POLR1D: variants seen among roughly 807,000 people sequenced by gnomAD.
POLR1D encodes the protein DNA-directed RNA polymerases I and III subunit RPAC2.
A neutral mutation model predicts 10.8 loss-of-function variants in POLR1D; 8 were observed. That is an observed-to-expected ratio of 0.74 (90% CI 0.43 to 1.33). The LOEUF is 1.33. POLR1D is among the 40% of genes most tolerant of loss of function. The pLI, the probability that POLR1D is intolerant of heterozygous loss-of-function variation, is 0.01. For missense variants in POLR1D, 152 were observed against 161.7 expected, an observed-to-expected ratio of 0.94 and a Z score of 0.32; for synonymous variants, 54 against 57.2, an observed-to-expected ratio of 0.94 and a Z score of 0.25.
intron 1 of POLR1D, among the ~76,000 whole-genome samples, chr13:27,634,149 G>A (rs1192945934): frequency 6.6e-6 from 1 of 152,128 alleles, no homozygotes; most frequent in Admixed American, 6.5e-5. Context: ...GGATTCCAGG[G>A]GCTTATGATT....
downstream of POLR1D, among the ~76,000 whole-genome samples, chr13:27,625,602 G>T (rs1394809062): frequency 6.6e-6 from 1 of 151,540 alleles, no homozygotes; most frequent in African/African-American, 2.4e-5. Flanking sequence ...TCGTGGAAGA[G>T]ATCTAAGCTG....
intron 2 of POLR1D, chr13:27,665,587 TG>T: frequency 1.8e-6 from 2 of 1,089,906 alleles, no homozygotes; most frequent in Non-Finnish European, 2.8e-6. Context: ...CTCGATTCTG[TG>T]GGAGCAGGAT....
chr13:27,622,277 C>T (rs1955947306), intron 1 of POLR1D: 6 of 569,040 alleles, frequency 1.1e-5, no homozygotes, highest in East Asian at 2.9e-5. Flanking sequence ...AAAAATCACG[C>T]CCCGGGCCTC....
At chr13:27,657,142 T>C (rs1956315540) in intron 2 of POLR1D, among the ~76,000 whole-genome samples, 1 of 152,184 alleles carries the variant, frequency 6.6e-6, no homozygotes. Context: ...TACCAGGGGC[T>C]CTGTTACAGT....
At chr13:27,665,938 G>A in exon 3 of POLR1D, 1 of 1,614,138 alleles carries the variant, frequency 6.2e-7, no homozygotes, top group Non-Finnish European at 8.5e-7. Flanking sequence ...ACGAAAAGCG[G>A]TCCAACCGGC....
intron 1 of POLR1D, among the ~76,000 whole-genome samples, chr13:27,647,157 T>C (rs1956228569): frequency 6.6e-6 from 1 of 152,184 alleles, no homozygotes; most frequent in Non-Finnish European, 1.5e-5. Flanking sequence ...TCAGGGACGA[T>C]CATCTTCCTA....
In POLR1D at chr13:27,622,003, T is replaced by C; in HGVS notation, c.20T>C (p.Leu7Pro). 3 of 1,591,004 alleles carry C rather than the reference T, an allele frequency of 1.9e-6. No individual in the cohort carries two copies. Among genetic ancestry groups the C allele is most frequent in the Non-Finnish European group, 2.6e-6 (3 of 1,169,150 alleles). The change falls in exon 1 of 2, where the codon CTG (leucine) becomes CCG (proline). Residue 7 changes from leucine to proline, a missense_variant. Coordinates refer to ENST00000302979, the MANE Select transcript of POLR1D (RefSeq NM_015972.4). The part of the protein sequence containing the change: MEEDQE[L>P]ERKISGLKTS... The stretch of plus-strand genomic sequence containing the variant: ...CCAGCGATGGAAGAGGATCAGGAGC[T>C]GGAGAGGTAACGGCCGAGGAGGAGG...
chr13:27,634,623 A>G (rs1307927333), intron 1 of POLR1D, among the ~76,000 whole-genome samples: 1 of 151,054 alleles, frequency 6.6e-6, no homozygotes, highest in African/African-American at 2.4e-5. Context: ...CTAAGGTTAT[A>G]TGACTAGTAA....
intron 2 of POLR1D, among the ~76,000 whole-genome samples, chr13:27,652,992 C>T (rs1404785702): frequency 2.7e-5 from 4 of 147,452 alleles, no homozygotes; most frequent in South Asian, 2.2e-4. Context: ...CTCTGCCTCC[C>T]TGGTGCAAGC....
chr13:27,630,157 C>T lies in POLR1D; in HGVS notation c.26+8148C>T, dbSNP rs533804725. Among the ~76,000 whole-genome samples, 358 of 152,182 alleles carry T rather than the reference C, an allele frequency of 2.4e-3. 3 individuals are homozygous for T. The highest frequency in any genetic ancestry group is 8.3e-3 in the African/African-American group (343 of 41,518). On this transcript the variant is annotated intron_variant, in intron 1 of 2. Transcript: ENST00000399697. ...TGAACTCCTGACCTCGTGATCCGCC[C>T]GCCTCCGGCTCCCAAAGTGCTGGAA...
chr13:27,641,888 T>C (rs376375862), intron 1 of POLR1D, among the ~76,000 whole-genome samples: 31 of 152,242 alleles, frequency 2.0e-4, no homozygotes, highest in East Asian at 1.9e-3. Context: ...TGGCAGTTGG[T>C]GGGAGTGTCT....
intron 1 of POLR1D, chr13:27,648,140 T>C (rs58025777): frequency 2.6e-6 from 1 of 384,286 alleles, no homozygotes; most frequent in African/African-American, 2.1e-5. Flanking sequence ...TTTAACTGTC[T>C]CATATCAAAA....
chr13:27,626,174 C>CT (rs1956007168), downstream of POLR1D, among the ~76,000 whole-genome samples: 1 of 152,192 alleles, frequency 6.6e-6, no homozygotes, highest in African/African-American at 2.4e-5. Flanking sequence ...AAAACTTTGC[C>CT]TGTGGGGATA....
rs61686087 is a variant in POLR1D, at chr13:27,622,695, G to A, written c.27-180G>A. The A allele has an allele frequency of 7.8e-3, 4,610 of 591,770 alleles. 174 individuals carry two copies. The highest frequency in any genetic ancestry group is 0.077 in the African/African-American group (4,142 of 53,700). The allele number at this position is 591,770 out of a possible 1,614,324, so 36.7% of individuals were successfully genotyped here. A position where few individuals can be genotyped will look rare whatever the true frequency, so the allele number is the denominator to read the frequency against. ...CAAATGGAGCAGGGAAAAACTGGAG[G>A]CAATAAATTAAATATTTATTGATAG... On this transcript the variant is annotated intron_variant, in intron 1 of 1. Transcript: ENST00000302979.
chr13:27,664,511 C>T (rs1956396207), intron 2 of POLR1D: 1 of 152,210 alleles, frequency 6.6e-6, no homozygotes, highest in Admixed American at 6.5e-5. Context: ...CCATTTTTCT[C>T]AGATATTTTC....
At chr13:27,651,881 A>G (rs1217763668) in intron 2 of POLR1D, among the ~76,000 whole-genome samples, 2 of 152,202 alleles carry the variant, frequency 1.3e-5, no homozygotes, top group African/African-American at 4.8e-5. Flanking sequence ...CTGGTGAGAT[A>G]ATGTGTATGA....
intron 1 of POLR1D, among the ~76,000 whole-genome samples, chr13:27,639,758 A>G (rs1388012554): frequency 6.6e-6 from 1 of 152,206 alleles, no homozygotes; most frequent in Non-Finnish European, 1.5e-5. Flanking sequence ...CCATCTATAA[A>G]TGGATAGTTG....
At chr13:27,639,898 A>G (rs1956159346) in intron 1 of POLR1D, among the ~76,000 whole-genome samples, 1 of 152,138 alleles carries the variant, frequency 6.6e-6, no homozygotes, top group African/African-American at 2.4e-5. Context: ...GAGCTTCTTG[A>G]GGACTAGGAT....
Position 27,663,818 on chromosome 13 carries a change from G to A in POLR1D, c.102-1868G>A, listed in dbSNP as rs753747883. On this transcript the variant is annotated intron_variant, in intron 2 of 2. Coordinates refer to the POLR1D transcript ENST00000399697. This position sits in a 1 kb window ranked among gnomAD's most constrained non-coding sequence, Gnocchi z 4.1. ...AGACCCCAGAATTCTTCTGTTGCTG[G>A]ACATGTTTCACCAGCTACTCCTAGC... 6.0e-4 allele frequency among the ~76,000 whole-genome samples: 92 copies of A among 152,092 alleles called. No homozygotes were observed. The highest frequency in any genetic ancestry group is 1.1e-3 in the Non-Finnish European group (78 of 68,018).
Sources: allele counts gnomAD v4.1 joint callset (sites outside exome capture counted in the v4.1 genomes callset), GRCh38; gene constraint gnomAD v4.1.1; non-coding constraint Gnocchi (gnomAD v3.1); transcripts MANE v1.5; gene names NCBI Gene and HGNC (gene_info 2026-07-23, HGNC 2026-07-21).